The following FBXO47 variants were observed in gnomAD, a reference collection of about 807,000 sequenced individuals.
FBXO47 encodes F-box protein 47, also known as F-box only protein 47.
Under a neutral mutation model 53.9 loss-of-function variants are expected in FBXO47, and 34 were observed. The observed-to-expected ratio is 0.63, with a 90% CI of 0.48 to 0.84. The LOEUF (loss-of-function observed/expected upper bound fraction) is 0.84. Among genes scored for constraint, FBXO47 ranks in the 40% least tolerant of loss-of-function variants. The probability of loss-of-function intolerance (pLI) is 0.00; values close to 1 mark genes in which losing one functional copy is unlikely to be tolerated. For synonymous variants in FBXO47, 165 were observed against 181.6 expected (o/e 0.91, Z 0.73); for missense variants, 485 against 541.3 (o/e 0.90, Z 1.03).
intron 5 of FBXO47, among the ~76,000 whole-genome samples, chr17:38,954,080 G>A (rs1266699205): frequency 6.6e-6 from 1 of 152,042 alleles, no homozygotes; most frequent in African/African-American, 2.4e-5. Flanking sequence ...ATTGCTTGAG[G>A]TCAGGAGTTC....
At chr17:38,966,037 T>C (rs1037108308) in intron 1 of FBXO47, among the ~76,000 whole-genome samples, 1 of 152,164 alleles carries the variant, frequency 6.6e-6, no homozygotes, top group Admixed American at 6.6e-5. Context: ...GGGATCACTA[T>C]ATATAATACT....
intron 6 of FBXO47, among the ~76,000 whole-genome samples, chr17:38,946,267 TATATATAAAA>T (rs1303913491): frequency 4.9e-5 from 5 of 101,818 alleles, no homozygotes; most frequent in Admixed American, 1.5e-4. Context: ...TATGTATAAA[TATATATAAAA>T]ATATATATAA....
chr17:38,951,869 A>G (rs930347556), intron 5 of FBXO47, among the ~76,000 whole-genome samples, 180 bp from the exon 6 acceptor site: 3 of 152,134 alleles, frequency 2.0e-5, no homozygotes, highest in African/African-American at 7.2e-5. Flanking sequence ...TGTCTCTACT[A>G]AAAGTACAAA....
intron 9 of FBXO47, among the ~76,000 whole-genome samples, chr17:38,942,518 T>C (rs942750062): frequency 9.2e-5 from 14 of 152,176 alleles, no homozygotes; most frequent in Non-Finnish European, 2.1e-4. Context: ...TGCTTGAACA[T>C]GGGAGGTGGA....
chr17:38,944,848 A>ATGCGTGTGTGTGTGTGTGTGTG (rs150367922), intron 7 of FBXO47, 112 bp downstream of exon 7: 11 of 616,812 alleles, frequency 1.8e-5, no homozygotes, highest in Non-Finnish European at 5.4e-6. Context: ...GCGTGCATGC[A>ATGCGTGTGTGTGTGTGTGTGTG]TGTGTGTGTG....
At chr17:38,957,698 CTTTTTTTT>C (rs67243641) in intron 3 of FBXO47, among the ~76,000 whole-genome samples, 1 of 132,866 alleles carries the variant, frequency 7.5e-6, no homozygotes, top group East Asian at 2.2e-4. Context: ...ACTGATTTTT[CTTTTTTTT>C]TTTTTTTTTT....
intron 10 of FBXO47, 122 bp from the exon 11 acceptor site, chr17:38,937,412 A>G: frequency 5.6e-6 from 2 of 358,456 alleles, no homozygotes; most frequent in Non-Finnish European, 9.6e-6. Context: ...GCTGGAATGC[A>G]GTGGTGCCAT....
chr17:38,955,843 A>G (rs573881798), intron 4 of FBXO47, among the ~76,000 whole-genome samples: 13 of 150,816 alleles, frequency 8.6e-5, no homozygotes, highest in Non-Finnish European at 1.8e-4. Context: ...CTGTAATCCT[A>G]GCTACTTGGA....
rs1430528291 is a variant in FBXO47 at position 38,957,323 on chromosome 17, AATGTTTCCTGAAAGTCAAGT to A, written c.353-90_353-71del. On this transcript the variant is annotated intron_variant, in intron 3 of 10. Transcript: ENST00000378079. ...TAAGAACATCAATAGAGCACAGAAT[AATGTTTCCTGAAAGTCAAGT>A]ATGGTATATCACAGTGGACTATGAG... is the stretch of plus-strand genomic sequence containing the variant. 7 of 1,063,486 alleles carry A rather than the reference AATGTTTCCTGAAAGTCAAGT, an allele frequency of 6.6e-6. 1 individual carries two copies. The Admixed American group carries it at 1.2e-4, about 19-fold the overall frequency. The allele number at this position is 1,063,486 out of a possible 1,614,324, so 65.9% of individuals were successfully genotyped here. A position where few individuals can be genotyped will look rare whatever the true frequency, so the allele number is the denominator to read the frequency against.
intron 6 of FBXO47, among the ~76,000 whole-genome samples, chr17:38,948,743 C>T (rs1225307160): frequency 6.6e-6 from 1 of 151,920 alleles, no homozygotes; most frequent in African/African-American, 2.4e-5. Flanking sequence ...CATCCCATCA[C>T]CTAGATATTT....
intron 4 of FBXO47, among the ~76,000 whole-genome samples, 158 bp downstream of exon 4, chr17:38,957,019 T>C (rs1419106922): frequency 6.6e-6 from 1 of 152,198 alleles, no homozygotes; most frequent in African/African-American, 2.4e-5. Context: ...CATTATATAA[T>C]CTCGAAGTAC....
At chr17:38,946,884 AT>A (rs1358212418) in intron 6 of FBXO47, among the ~76,000 whole-genome samples, 20 of 111,790 alleles carry the variant, frequency 1.8e-4, no homozygotes, top group African/African-American at 6.5e-4. Flanking sequence ...ATATATATAA[AT>A]ATATATATAA....
At position 38,937,465 on chromosome 17, in the gene FBXO47, T is replaced by G. The variant is rs529151494; in HGVS notation, c.1244-175A>C. 2.0e-4 allele frequency among the ~76,000 whole-genome samples: 31 copies of G among 152,242 alleles called. No homozygotes were observed. The South Asian group carries it at 6.2e-3, about 31-fold the overall frequency. On this transcript the variant is annotated intron_variant, in intron 10 of 10. Coordinates refer to ENST00000378079, the MANE Select transcript of FBXO47 (RefSeq NM_001008777.3). ...TCTGCCTCCTGGGTTCAAGCAATTC[T>G]CCTGCCTCAGCCTCCCGAGTAGCTG...
intron 9 of FBXO47, among the ~76,000 whole-genome samples, chr17:38,939,881 A>G (rs1368067988): frequency 2.0e-5 from 3 of 151,174 alleles, no homozygotes; most frequent in African/African-American, 4.9e-5. Flanking sequence ...GTTAGCCAGG[A>G]TGGTCTCAAT....
intron 9 of FBXO47, among the ~76,000 whole-genome samples, chr17:38,942,463 G>A (rs1394862139): frequency 6.6e-6 from 1 of 152,044 alleles, no homozygotes; most frequent in Admixed American, 6.6e-5. Context: ...GCATAGTGGT[G>A]CATGCCTTTA....
intron 6 of FBXO47, among the ~76,000 whole-genome samples, chr17:38,947,113 TATATAAACATATATATAA>T (rs1904984473): frequency 1.4e-5 from 2 of 140,978 alleles, no homozygotes; most frequent in African/African-American, 5.2e-5. Flanking sequence ...TAAACATATA[TATATAAACATATATATAA>T]ATATATATAT....
chr17:38,958,890 T>G (rs1905682855), intron 3 of FBXO47, among the ~76,000 whole-genome samples: 1 of 152,144 alleles, frequency 6.6e-6, no homozygotes, highest in Non-Finnish European at 1.5e-5. Context: ...CATTTTTCAG[T>G]GTTTGGTTTT....
intron 6 of FBXO47, among the ~76,000 whole-genome samples, chr17:38,950,146 A>G (rs1905185138): frequency 1.3e-5 from 2 of 151,472 alleles, no homozygotes; most frequent in Admixed American, 6.6e-5. Flanking sequence ...TCAAACACAA[A>G]CTCTGTAACC....
At chr17:38,959,654 G>GTGTA in intron 3 of FBXO47, among the ~76,000 whole-genome samples, 1 of 149,582 alleles carries the variant, frequency 6.7e-6, no homozygotes, top group South Asian at 2.1e-4. Flanking sequence ...GTGTGTGTGT[G>GTGTA]TGTATGAATA....
Sources: gnomAD v4.1 joint callset for allele counts (sites outside exome capture counted in the v4.1 genomes callset) on GRCh38, gnomAD v4.1.1 for gene constraint, MANE v1.5 for transcripts, NCBI Gene and HGNC (gene_info 2026-07-23, HGNC 2026-07-21) for gene names.